Variants in NASP observed in about 807,000 individuals in gnomAD.
The protein encoded by NASP is nuclear autoantigenic sperm protein.
In NASP, 24 loss-of-function variants were observed where a neutral mutation model predicts 89.5. That is an observed-to-expected ratio of 0.27 (90% CI 0.19 to 0.38). The LOEUF is 0.38. Among genes scored for constraint, NASP ranks in the 10% least tolerant of loss-of-function variants. The pLI, the probability that NASP is intolerant of heterozygous loss-of-function variation, is 1.00. For synonymous variants in NASP, 306 were observed against 324.7 expected (o/e 0.94, Z 0.62); for missense variants, 848 against 921.4 (o/e 0.92, Z 1.03).
chr1:45,601,634 T>A (rs886230005), intron 2 of NASP, among the ~76,000 whole-genome samples: 6 of 152,110 alleles, frequency 3.9e-5, no homozygotes, highest in African/African-American at 1.4e-4. Context: ...CTAGTGCAAT[T>A]TGTATGAATT....
chr1:45,613,837 C>T (rs554619503), intron 7 of NASP, among the ~76,000 whole-genome samples: 29 of 152,086 alleles, frequency 1.9e-4, no homozygotes, highest in Admixed American at 5.2e-4. Flanking sequence ...GATTAGGGAC[C>T]CTTTATTCAT....
rs386366869 is a variant in NASP, at chr1:45,590,682, CTTTTTTTTTTT to C, written c.60-530_60-520del. On this transcript the variant is annotated intron_variant, in intron 1 of 14. Coordinates refer to ENST00000350030, the MANE Select transcript of NASP (RefSeq NM_002482.4). ...GTCTTATATTGCAGTCATAGTGTAACTTTTTTTTTTTTTTTTTTTTTGAGACGGAGTCTCGC... is the reference window on the plus strand; with the variant it reads ...GTCTTATATTGCAGTCATAGTGTAACTTTTTTTTTTGAGACGGAGTCTCGC... Among the ~76,000 whole-genome samples, 6 of 107,202 alleles carry C rather than the reference CTTTTTTTTTTT, an allele frequency of 5.6e-5. No homozygotes were observed. The East Asian group carries it at 1.1e-3, about 20-fold the overall frequency. The allele number at this position is 107,202 out of a possible 152,430, so 70.3% of individuals were successfully genotyped here.
intron 2 of NASP, among the ~76,000 whole-genome samples, chr1:45,596,567 C>G (rs1383816231): frequency 1.3e-5 from 2 of 152,190 alleles, no homozygotes; most frequent in Admixed American, 1.3e-4. Flanking sequence ...AGTACTGCTG[C>G]TGTGACGTTG....
At chr1:45,613,048 C>CA (rs1644042340) in intron 6 of NASP, 121 bp from the exon 7 acceptor site, 1 of 1,357,578 alleles carries the variant, frequency 7.4e-7, no homozygotes, top group Admixed American at 3.0e-5. Context: ...GGTGTTAACT[C>CA]ACTTGGATTA....
At position 45,608,520 on chromosome 1, in the gene NASP, G is replaced by C; in HGVS notation, c.1426+183G>C. On this transcript the variant is annotated intron_variant, in intron 6 of 14. Coordinates refer to ENST00000350030, the MANE Select transcript of NASP (RefSeq NM_002482.4). ...AGTCAAGTAAGTTCAATCAAAAGCA[G>C]CAAGTCTTCTTTAGCTGGCTTATAA... 5 of 632,840 alleles carry C rather than the reference G, an allele frequency of 7.9e-6. No homozygotes were observed. In the South Asian group the frequency reaches 1.0e-4, roughly 13 times the overall value. 39.2% of individuals were successfully genotyped at this position (632,840 alleles called of 1,614,324 possible).
chr1:45,618,070 C>A lies in NASP; in HGVS notation c.2296C>A (p.Gln766Lys). Residue 766 changes from glutamine to lysine, a missense_variant, in exon 15 of 15, where the codon CAG becomes AAG. Physicochemically the swap from Gln to Lys is moderately conservative, Grantham distance 53 (BLOSUM62 1). Around this residue, in one of 5 missense-constraint regions of NASP, gnomAD observed 218 missense variants for 219.6 expected, o/e 0.99. Coordinates refer to ENST00000350030, the MANE Select transcript of NASP (RefSeq NM_002482.4). ...SENMEEEAENQAESRAAVEGT... is the reference protein window; with the variant it reads ...SENMEEEAENKAESRAAVEGT... ...TCTGTTTGTCTTCCAGGCTGAGAAT[C>A]AGGCTGAAAGCCGGGCAGCAGTGGA... 6.2e-7 allele frequency: 1 copy of A among 1,601,062 alleles called. No homozygotes were observed. The highest frequency in any genetic ancestry group is 1.7e-5 in the Admixed American group (1 of 58,404).
rs11302173 is a variant in NASP at position 45,599,953 on chromosome 1, A to ATTTTT, written c.108-2284_108-2280dup. On this transcript the variant is annotated intron_variant, in intron 2 of 14. Transcript: ENST00000350030. ...CTGTCCTAGAGTGCTTTTCCTCTGT[A>ATTTTT]TTTTTTTTTTTTTTTTTTTTTTGGC... Among the ~76,000 whole-genome samples the ATTTTT allele has an allele frequency of 1.7e-3, 136 of 79,044 alleles. 2 individuals are homozygous for ATTTTT. The highest frequency in any genetic ancestry group is 5.0e-3 in the African/African-American group (99 of 19,734). The allele number at this position is 79,044 out of a possible 152,430, so 51.9% of individuals were successfully genotyped here. A position where few individuals can be genotyped will look rare whatever the true frequency, so the allele number is the denominator to read the frequency against.
chr1:45,614,511 A>G (rs1397762772), intron 9 of NASP, 145 bp downstream of exon 9: 2 of 672,440 alleles, frequency 3.0e-6, no homozygotes, highest in African/African-American at 1.8e-5. Context: ...GTCTCTTCCA[A>G]GTGGCACTCA....
rs189352487 is a variant in NASP, at chr1:45,607,812, G to C, written c.901G>C (p.Asp301His). Residue 301 changes from aspartate (D) to histidine (H), a missense_variant, in exon 6 of 15, where the codon GAC becomes CAC. This residue lies in a region of NASP where 464 missense variants were observed against 469.4 expected (regional missense o/e 0.99). Coordinates refer to ENST00000350030, the MANE Select transcript of NASP (RefSeq NM_002482.4). ...TAVEVEAESL[D>H]PTVKPVDVGG... Reference sequence around the variant, plus strand: ...AGTGGAGGTAGAAGCAGAGTCTTTAGACCCGACAGTCAAGCCAGTGGATGT... The same window carrying C: ...AGTGGAGGTAGAAGCAGAGTCTTTACACCCGACAGTCAAGCCAGTGGATGT... 6.2e-7 allele frequency: 1 copy of C among 1,614,144 alleles called. No individual in the cohort carries two copies.
intron 2 of NASP, among the ~76,000 whole-genome samples, chr1:45,594,924 A>T (rs1164264727): frequency 1.3e-5 from 2 of 152,106 alleles, no homozygotes; most frequent in Non-Finnish European, 2.9e-5. Context: ...TTTAGTTTTG[A>T]TTGGCAGTTA....
chr1:45,587,488 TC>T (rs1644569594), intron 1 of NASP, among the ~76,000 whole-genome samples: 1 of 151,830 alleles, frequency 6.6e-6, no homozygotes, highest in Admixed American at 6.6e-5. Context: ...TTTACATATC[TC>T]AACTGTGGAT....
intron 5 of NASP, among the ~76,000 whole-genome samples, chr1:45,606,875 A>G (rs1031116271): frequency 8.5e-5 from 13 of 152,244 alleles, no homozygotes; most frequent in Non-Finnish European, 2.9e-5. Context: ...TTTAAATACT[A>G]TTACAACCTT....
intron 11 of NASP, 71 bp downstream of exon 11, chr1:45,615,542 C>A (rs1644091251): frequency 2.1e-6 from 3 of 1,444,960 alleles, no homozygotes; most frequent in Non-Finnish European, 2.8e-6. Context: ...TTGCCAGGAA[C>A]TTTTCATCAT....
rs79767493 is a variant in NASP at position 45,606,168 on chromosome 1, C to G, written c.300-314C>G. On this transcript the variant is annotated intron_variant, in intron 4 of 14. Transcript: ENST00000350030. The stretch of plus-strand genomic sequence containing the variant: ...AGTATTTTTGGCTATTTAGAGAAAT[C>G]GGGTGGATACAAAGTTTGGGAAATA... 3.6e-3 allele frequency among the ~76,000 whole-genome samples: 541 copies of G among 152,226 alleles called. 6 individuals carry two copies. The highest frequency in any genetic ancestry group is 0.035 in the East Asian group (181 of 5,186).
At chr1:45,586,620 T>C (rs888446383) in intron 1 of NASP, among the ~76,000 whole-genome samples, 3 of 152,092 alleles carry the variant, frequency 2.0e-5, no homozygotes, top group African/African-American at 7.2e-5. Flanking sequence ...ATTCTTCGTT[T>C]CCCCATCTAA....
chr1:45,587,706 A>C (rs1644577582), intron 1 of NASP, among the ~76,000 whole-genome samples: 1 of 113,432 alleles, frequency 8.8e-6, no homozygotes. Context: ...TTTTGGAGAG[A>C]GAGTCTTGTT....
At position 45,588,635 on chromosome 1, in the gene NASP, T is replaced by C. The variant is rs573182610; in HGVS notation, c.60-2588T>C. ...AAAACATACTTTCTAAGTATAGTTT[T>C]TTTGTTTCTCTTAAGAATGAGCGGC... On this transcript the variant is annotated intron_variant, in intron 1 of 14. Transcript: ENST00000350030. The C allele has an allele frequency of 1.8e-5, 8 of 454,320 alleles. No individual in the cohort carries two copies. In the East Asian group the frequency reaches 5.7e-4, roughly 32 times the overall value. 28.1% of individuals were successfully genotyped at this position (454,320 alleles called of 1,614,324 possible). A position where few individuals can be genotyped will look rare whatever the true frequency, so the allele number is the denominator to read the frequency against.
At chr1:45,613,390 C>A (rs1366949503) in intron 7 of NASP, 142 bp downstream of exon 7, 5 of 923,314 alleles carry the variant, frequency 5.4e-6, no homozygotes, top group Non-Finnish European at 6.1e-6. Flanking sequence ...CTTAAGTGAT[C>A]GCCTCACCTC....
intron 11 of NASP, chr1:45,615,764 T>C (rs1189699025): frequency 3.6e-6 from 1 of 277,994 alleles, no homozygotes; most frequent in Non-Finnish European, 6.7e-6. Context: ...AGACCAGAAG[T>C]GTTTTGCATT....
Sources: gnomAD v4.1 joint callset for allele counts (sites outside exome capture counted in the v4.1 genomes callset) on GRCh38, gnomAD v4.1.1 for gene constraint, gnomAD v4.1.1 regional missense constraint, MANE v1.5 for transcripts, NCBI Gene and HGNC (gene_info 2026-07-23, HGNC 2026-07-21) for gene names.